Variants in ARHGAP6 observed in about 807,000 individuals in gnomAD.
The protein encoded by ARHGAP6 is Rho GTPase activating protein 6, also known as rho GTPase-activating protein 6.
ARHGAP6 carries 16 observed loss-of-function variants against 55.7 expected under a neutral mutation model. The ratio of observed to expected loss-of-function variants is 0.29; its 90% confidence interval spans 0.19 to 0.44. The LOEUF (loss-of-function observed/expected upper bound fraction) is 0.44, where lower values mean the gene tolerates loss of function less well. Ranked by LOEUF, ARHGAP6 falls within the 20% of genes least tolerant of loss-of-function variation. The pLI, the probability that ARHGAP6 is intolerant of heterozygous loss-of-function variation, is 1.00. For synonymous variants in ARHGAP6, 382 were observed against 360.9 expected, an observed-to-expected ratio of 1.06 and a Z score of -0.66; for missense variants, 698 against 808.9, an observed-to-expected ratio of 0.86 and a Z score of 1.66.
At chrX:11,226,081 T>C (rs1034734544) in intron 2 of ARHGAP6, among the ~76,000 whole-genome samples, 39 of 109,660 alleles carry the variant, frequency 3.6e-4, no homozygotes, top group African/African-American at 1.3e-3. Context: ...ACATGTGCCA[T>C]GTTAGTGTGC....
At chrX:11,312,914 A>G (rs763907192) in intron 1 of ARHGAP6, among the ~76,000 whole-genome samples, 24 of 111,519 alleles carry the variant, frequency 2.2e-4, no homozygotes, top group African/African-American at 7.5e-4. Context: ...ATTTCTCCCA[A>G]ACAAATTTAG....
intron 1 of ARHGAP6, among the ~76,000 whole-genome samples, chrX:11,434,683 A>G (rs767678349): frequency 2.6e-4 from 29 of 111,211 alleles, no homozygotes; most frequent in East Asian, 2.8e-4. Flanking sequence ...CAACTAATCT[A>G]TCTTGTGATA....
At chrX:11,270,222 A>G (rs1602992912) in intron 1 of ARHGAP6, among the ~76,000 whole-genome samples, 1 of 112,093 alleles carries the variant, frequency 8.9e-6, no homozygotes, top group South Asian at 3.7e-4. Flanking sequence ...CCCCTAGGCA[A>G]TATCACAGCA....
intron 1 of ARHGAP6, among the ~76,000 whole-genome samples, chrX:11,373,919 C>T (rs1197964779): frequency 8.9e-6 from 1 of 112,009 alleles, no homozygotes; most frequent in Non-Finnish European, 1.9e-5. Context: ...TAGCAGCCAC[C>T]TACCATTCTG....
chrX:11,321,570 A>G (rs1264410422), intron 1 of ARHGAP6, among the ~76,000 whole-genome samples: 1 of 112,015 alleles, frequency 8.9e-6, no homozygotes, highest in Non-Finnish European at 1.9e-5. Context: ...AGCCACACAC[A>G]TATACGCACA....
chrX:11,462,515 A>G (rs1446315686), intron 1 of ARHGAP6, among the ~76,000 whole-genome samples: 2 of 112,523 alleles, frequency 1.8e-5, no homozygotes, highest in Non-Finnish European at 3.7e-5. Flanking sequence ...GTTAAGGAAT[A>G]ACAGAATAGA....
intron 10 of ARHGAP6, among the ~76,000 whole-genome samples, chrX:11,150,303 T>G (rs2045756812): frequency 9.0e-6 from 1 of 111,235 alleles, no homozygotes; most frequent in South Asian, 3.8e-4. Context: ...GAGCTCTGGA[T>G]TTATGGGGGA....
At chrX:11,209,681 A>G (rs2046761441) in intron 2 of ARHGAP6, among the ~76,000 whole-genome samples, 1 of 112,349 alleles carries the variant, frequency 8.9e-6, no homozygotes, top group African/African-American at 3.2e-5. Context: ...GTACAAAAGA[A>G]AAATTAAGTG....
At chrX:11,563,360 T>C (rs1322244233) in intron 1 of ARHGAP6, among the ~76,000 whole-genome samples, 4 of 110,770 alleles carry the variant, frequency 3.6e-5, no homozygotes, top group African/African-American at 6.6e-5. Flanking sequence ...AGTTCAAATA[T>C]GTAAATAACA....
intron 1 of ARHGAP6, among the ~76,000 whole-genome samples, chrX:11,354,313 CTCTCTCTCTCTCTCTA>C (rs1242853558): frequency 3.0e-5 from 2 of 66,469 alleles, no homozygotes; most frequent in Non-Finnish European, 5.5e-5. Context: ...CTCTCTCTCT[CTCTCTCTCTCTCTCTA>C]TATATATATA....
At chrX:11,489,423 C>T (rs2050543691) in intron 1 of ARHGAP6, among the ~76,000 whole-genome samples, 1 of 112,412 alleles carries the variant, frequency 8.9e-6, no homozygotes, top group African/African-American at 3.2e-5. Context: ...CAGCTTAGAG[C>T]ACAGGTTGGC....
chrX:11,437,068 TAAGG>T (rs1482585739), intron 1 of ARHGAP6, among the ~76,000 whole-genome samples: 2 of 106,844 alleles, frequency 1.9e-5, no homozygotes, highest in Non-Finnish European at 3.9e-5. Context: ...AGGAAGGAAA[TAAGG>T]AAGGAAGAAA....
chrX:11,526,995 C>G (rs1291673666), intron 1 of ARHGAP6, among the ~76,000 whole-genome samples: 1 of 97,153 alleles, frequency 1.0e-5, no homozygotes, highest in Admixed American at 1.2e-4. Context: ...CCTAATGATG[C>G]TTTGCTAATA....
chrX:11,405,409 G>A (rs1253615926), intron 1 of ARHGAP6, among the ~76,000 whole-genome samples: 1 of 112,110 alleles, frequency 8.9e-6, no homozygotes, highest in Non-Finnish European at 1.9e-5. Flanking sequence ...ACACTGCTGG[G>A]TAAAAACACA....
chrX:11,396,536 C>T (rs936260764), intron 1 of ARHGAP6, among the ~76,000 whole-genome samples: 4 of 111,575 alleles, frequency 3.6e-5, no homozygotes, highest in Admixed American at 9.5e-5. Context: ...AAAGTATTTA[C>T]GGAGTGCTTA....
At chrX:11,607,185 GC>G (rs1240845387) in intron 1 of ARHGAP6, among the ~76,000 whole-genome samples, 1 of 111,743 alleles carries the variant, frequency 8.9e-6, no homozygotes, top group African/African-American at 3.2e-5. Context: ...CTACTTTTTT[GC>G]CCTTTGCATT....
At chrX:11,433,150 G>A (rs2049956116) in intron 1 of ARHGAP6, among the ~76,000 whole-genome samples, 1 of 112,237 alleles carries the variant, frequency 8.9e-6, no homozygotes, top group Admixed American at 9.4e-5. Flanking sequence ...ACATAGGAGA[G>A]ATGGAGAAGA....
intron 1 of ARHGAP6, among the ~76,000 whole-genome samples, chrX:11,614,604 C>T (rs138077617): frequency 1.8e-5 from 2 of 111,986 alleles, no homozygotes; most frequent in East Asian, 2.8e-4. Flanking sequence ...AACAATTCAA[C>T]ATGAGATTTC....
chrX:11,467,407 A>C, intron 1 of ARHGAP6, among the ~76,000 whole-genome samples: 1 of 111,064 alleles, frequency 9.0e-6, no homozygotes, highest in Middle Eastern at 4.6e-3. Context: ...GGTCTCTAAA[A>C]AGGATGTATC....
Sources: allele counts gnomAD v4.1 joint callset (sites outside exome capture counted in the v4.1 genomes callset), GRCh38; gene constraint gnomAD v4.1.1; transcripts MANE v1.5; gene names NCBI Gene and HGNC (gene_info 2026-07-23, HGNC 2026-07-21).